Variants in ADCY2 observed in about 807,000 individuals in gnomAD.
ADCY2 encodes the protein adenylate cyclase 2, also known as adenylate cyclase type 2.
A neutral mutation model predicts 125.2 loss-of-function variants in ADCY2; 31 were observed. That is an observed-to-expected ratio of 0.25 (90% confidence interval 0.19 to 0.33). The LOEUF is 0.33. Among genes scored for constraint, ADCY2 ranks in the 10% least tolerant of loss-of-function variants. The pLI is 1.00. For synonymous variants in ADCY2, 512 were observed against 548.4 expected (o/e 0.93, Z 0.93); for missense variants, 904 against 1,418.2 (o/e 0.64, Z 5.82).
intron 2 of ADCY2, among the ~76,000 whole-genome samples, chr5:7,449,805 T>G (rs1741406494): frequency 6.6e-6 from 1 of 152,226 alleles, no homozygotes; most frequent in African/African-American, 2.4e-5. Context: ...CAACAACCTG[T>G]GCTCACTTAT....
At chr5:7,523,619 A>G (rs1367142765) in intron 3 of ADCY2, among the ~76,000 whole-genome samples, 2 of 152,248 alleles carry the variant, frequency 1.3e-5, no homozygotes, top group Non-Finnish European at 2.9e-5. Context: ...TAAACATCAC[A>G]GTAATGAAGA....
chr5:7,493,288 G>T (rs1467735802), intron 2 of ADCY2, among the ~76,000 whole-genome samples: 1 of 152,140 alleles, frequency 6.6e-6, no homozygotes, highest in Admixed American at 6.5e-5. Context: ...CCTTCCAAAA[G>T]GTTCTCAGCA....
At chr5:7,752,683 G>A (rs549344252) in intron 15 of ADCY2, among the ~76,000 whole-genome samples, 1 of 146,740 alleles carries the variant, frequency 6.8e-6, no homozygotes, top group Non-Finnish European at 1.5e-5. Context: ...TCCATTGCAA[G>A]TGGATCAAAA....
At chr5:7,615,507 G>A (rs1258420312) in intron 3 of ADCY2, among the ~76,000 whole-genome samples, 1 of 152,148 alleles carries the variant, frequency 6.6e-6, no homozygotes, top group East Asian at 1.9e-4. Flanking sequence ...GGAAGTATCT[G>A]CTACTGTCTC....
chr5:7,532,547 C>G (rs936138389), intron 3 of ADCY2, among the ~76,000 whole-genome samples: 2 of 152,190 alleles, frequency 1.3e-5, no homozygotes, highest in Admixed American at 6.5e-5. Flanking sequence ...TTTAGTAGGA[C>G]TAATGTTTTC....
At chr5:7,814,427 G>A (rs1302442124) in intron 22 of ADCY2, among the ~76,000 whole-genome samples, 1 of 152,028 alleles carries the variant, frequency 6.6e-6, no homozygotes, top group East Asian at 1.9e-4. Flanking sequence ...CCGTCCAGTA[G>A]GCAGAGGCCA....
At chr5:7,753,146 C>G (rs1415450275) in intron 15 of ADCY2, among the ~76,000 whole-genome samples, 2 of 152,166 alleles carry the variant, frequency 1.3e-5, no homozygotes, top group African/African-American at 2.4e-5. Context: ...ATCTGCCCAT[C>G]TCAGCCTCCC....
chr5:7,767,740 T>C (rs1743431105), intron 17 of ADCY2, among the ~76,000 whole-genome samples: 1 of 152,132 alleles, frequency 6.6e-6, no homozygotes, highest in Non-Finnish European at 1.5e-5. Context: ...CAGATAGAAG[T>C]GGCTTCTGGG....
intron 18 of ADCY2, among the ~76,000 whole-genome samples, chr5:7,774,955 C>G (rs1180946569): frequency 6.6e-6 from 1 of 152,082 alleles, no homozygotes; most frequent in Non-Finnish European, 1.5e-5. Context: ...AATGGGGTAT[C>G]CATCCCCTCA....
At chr5:7,639,026 G>T (rs1389859022) in intron 4 of ADCY2, among the ~76,000 whole-genome samples, 1 of 152,088 alleles carries the variant, frequency 6.6e-6, no homozygotes, top group African/African-American at 2.4e-5. Context: ...GCTTCTCCTT[G>T]CTTTCTACCA....
At chr5:7,624,825 G>A (rs1050397319) in intron 3 of ADCY2, among the ~76,000 whole-genome samples, 10 of 152,118 alleles carry the variant, frequency 6.6e-5, no homozygotes, top group African/African-American at 2.4e-4. Flanking sequence ...CCACTGACTT[G>A]TTATTAAAGC....
intron 2 of ADCY2, among the ~76,000 whole-genome samples, chr5:7,418,229 A>T (rs1197807336): frequency 6.6e-6 from 1 of 152,072 alleles, no homozygotes; most frequent in African/African-American, 2.4e-5. Flanking sequence ...ATATAACCCC[A>T]ACCATTCTGT....
At chr5:7,676,899 C>A (rs1256848565) in intron 4 of ADCY2, among the ~76,000 whole-genome samples, 1 of 152,174 alleles carries the variant, frequency 6.6e-6, no homozygotes, top group African/African-American at 2.4e-5. Context: ...GTAGCTGAAA[C>A]TGGACTTGAA....
At chr5:7,560,345 T>C (rs1735669805) in intron 3 of ADCY2, among the ~76,000 whole-genome samples, 1 of 152,208 alleles carries the variant, frequency 6.6e-6, no homozygotes, top group East Asian at 1.9e-4. Flanking sequence ...AAAGATGGTA[T>C]GATAGCAAGT....
rs192342230 is a variant in ADCY2 at position 7,744,227 on chromosome 5, G to T, written c.1956+475G>T. ...CACACACTGGGGCCTGTTGGAGGGT[G>T]GGGGAAAAGGGGAGGGATAGCATTA... On this transcript the variant is annotated intron_variant, in intron 15 of 24. Coordinates refer to ENST00000338316, the MANE Select transcript of ADCY2 (RefSeq NM_020546.3). Among the ~76,000 whole-genome samples, 439 of 152,112 alleles carry T rather than the reference G, an allele frequency of 2.9e-3. 2 individuals carry two copies. The Middle Eastern group carries it at 0.041, about 14-fold the overall frequency.
chr5:7,704,149 C>G (rs1166172024), intron 7 of ADCY2, among the ~76,000 whole-genome samples: 3 of 152,110 alleles, frequency 2.0e-5, no homozygotes, highest in African/African-American at 7.3e-5. Context: ...ATTCATTGAG[C>G]CGTGCGTGGG....
chr5:7,743,217 G>A (rs1258807659), intron 14 of ADCY2, among the ~76,000 whole-genome samples: 1 of 151,820 alleles, frequency 6.6e-6, no homozygotes, highest in Non-Finnish European at 1.5e-5. Context: ...ATTGGGGAGG[G>A]TGAGGACTCA....
chr5:7,670,254 C>T (rs1201882190), intron 4 of ADCY2, among the ~76,000 whole-genome samples: 1 of 152,172 alleles, frequency 6.6e-6, no homozygotes, highest in Non-Finnish European at 1.5e-5. Flanking sequence ...TCCCACTTTT[C>T]ACTCTGCCTC....
At chr5:7,434,865 C>T (rs1306429001) in intron 2 of ADCY2, among the ~76,000 whole-genome samples, 1 of 152,192 alleles carries the variant, frequency 6.6e-6, no homozygotes, top group Non-Finnish European at 1.5e-5. Context: ...GGGAGGCCTG[C>T]ATGGGTCCAA....
Sources: allele counts gnomAD v4.1 joint callset (sites outside exome capture counted in the v4.1 genomes callset), GRCh38; gene constraint gnomAD v4.1.1; transcripts MANE v1.5; gene names NCBI Gene and HGNC (gene_info 2026-07-23, HGNC 2026-07-21).